SWAP70: variants seen among roughly 807,000 people sequenced by gnomAD.
The protein encoded by SWAP70 is switch-associated protein 70.
SWAP70 carries 34 observed loss-of-function variants against 80.2 expected under a neutral mutation model. That is an observed-to-expected ratio of 0.42 (90% CI 0.32 to 0.56). SWAP70 has a LOEUF of 0.56. SWAP70 is among the 20% of genes least tolerant of loss of function. The pLI is 0.09. For synonymous variants in SWAP70, 239 were observed against 238.5 expected, an observed-to-expected ratio of 1.00 and a Z score of -0.02; for missense variants, 578 against 690.7, an observed-to-expected ratio of 0.84 and a Z score of 1.83.
intron 9 of SWAP70, chr11:9,741,606 A>T (rs1342989752): frequency 6.6e-6 from 1 of 152,184 alleles, no homozygotes; most frequent in African/African-American, 2.4e-5. Context: ...TCGCAGGTGA[A>T]ATATGCTATA....
chr11:9,667,694 A>G (rs1421271709), intron 1 of SWAP70, among the ~76,000 whole-genome samples: 1 of 139,194 alleles, frequency 7.2e-6, no homozygotes, highest in Non-Finnish European at 1.7e-5. Flanking sequence ...TCCCACGTAG[A>G]TGGGACTACA....
At chr11:9,722,804 C>T (rs2133803538) in intron 3 of SWAP70, among the ~76,000 whole-genome samples, 1 of 152,244 alleles carries the variant, frequency 6.6e-6, no homozygotes, top group East Asian at 1.9e-4. Flanking sequence ...AAATCCAGCC[C>T]ACAGCCTATA....
intron 1 of SWAP70, among the ~76,000 whole-genome samples, chr11:9,672,360 TA>T (rs1394652792): frequency 1.3e-5 from 2 of 150,216 alleles, no homozygotes; most frequent in Non-Finnish European, 3.0e-5. Context: ...TTACTTATTT[TA>T]AAAAATTTAT....
In SWAP70 at chr11:9,740,234, G is replaced by C. The variant is rs754517024; in HGVS notation, c.1242G>C (p.Gln414His). Residue 414 changes from glutamine to histidine, a missense_variant, in exon 9 of 12, where the codon CAG (glutamine) becomes CAC (histidine). By Grantham distance (24) the Gln-to-His change is conservative (BLOSUM62 0). Transcript: ENST00000318950. Reference protein sequence around the residue: ...QVAQKSSELEQYLQRVRELED... With the variant: ...QVAQKSSELEHYLQRVRELED... Reference sequence around the variant, plus strand: ...CTCAAAAGTCCTCTGAACTGGAACAGTATTTACAGCGAGTACGGGAGCTGG... The same window carrying C: ...CTCAAAAGTCCTCTGAACTGGAACACTATTTACAGCGAGTACGGGAGCTGG... 2 of 1,614,118 alleles carry C rather than the reference G, an allele frequency of 1.2e-6. No homozygotes were observed. Among genetic ancestry groups the C allele is most frequent in the South Asian group, 2.2e-5 (2 of 91,094 alleles).
intron 9 of SWAP70, 87 bp downstream of exon 9, chr11:9,740,434 G>A: frequency 2.9e-6 from 4 of 1,358,366 alleles, no homozygotes; most frequent in Non-Finnish European, 4.2e-6. Flanking sequence ...CTGGTGGAGA[G>A]GGAGAAGTGT....
chr11:9,697,780 A>G, intron 2 of SWAP70, among the ~76,000 whole-genome samples: 1 of 152,168 alleles, frequency 6.6e-6, no homozygotes. Flanking sequence ...CATGTGTTAT[A>G]CATGTTTTTT....
chr11:9,723,344 C>G (rs146909725), intron 3 of SWAP70, among the ~76,000 whole-genome samples: 1 of 152,200 alleles, frequency 6.6e-6, no homozygotes, highest in Non-Finnish European at 1.5e-5. Context: ...CAAAGCAAAA[C>G]TTATCACAAA....
At chr11:9,729,201 A>G in intron 5 of SWAP70, 142 bp from the exon 6 acceptor site, 1 of 640,500 alleles carries the variant, frequency 1.6e-6, no homozygotes, top group Non-Finnish European at 2.7e-6. Context: ...GTGCTTAGGA[A>G]ACAGCATTAG....
intron 1 of SWAP70, among the ~76,000 whole-genome samples, chr11:9,687,306 C>T (rs936623848): frequency 3.3e-5 from 5 of 152,132 alleles, no homozygotes; most frequent in African/African-American, 9.7e-5. Context: ...AAATATAATA[C>T]ACAACAAACA....
At chr11:9,689,131 C>G (rs957579080) in intron 1 of SWAP70, among the ~76,000 whole-genome samples, 1 of 152,208 alleles carries the variant, frequency 6.6e-6, no homozygotes, top group East Asian at 1.9e-4. Flanking sequence ...TTACGCACAT[C>G]CTGTAAAGGG....
At chr11:9,705,629 G>A (rs1850897856) in intron 2 of SWAP70, among the ~76,000 whole-genome samples, 1 of 143,912 alleles carries the variant, frequency 6.9e-6, no homozygotes, top group Non-Finnish European at 1.5e-5. Flanking sequence ...GTATACACTG[G>A]TGATCTGTAT....
chr11:9,722,597 T>C (rs431908), intron 3 of SWAP70, among the ~76,000 whole-genome samples: 49,742 of 152,138 alleles, frequency 0.33, 8,366 homozygotes, highest in Non-Finnish European at 0.35. Context: ...CTGGTCCGCA[T>C]GCTTCGTTTT....
chr11:9,737,993 G>A (rs1282474604), intron 7 of SWAP70, among the ~76,000 whole-genome samples: 1 of 152,182 alleles, frequency 6.6e-6, no homozygotes, highest in Non-Finnish European at 1.5e-5. Context: ...TGTTGTTCAG[G>A]CTTATCAATA....
At chr11:9,725,119 AG>A (rs1851191907) in intron 4 of SWAP70, 1 of 469,896 alleles carries the variant, frequency 2.1e-6, no homozygotes, top group South Asian at 2.8e-5. Context: ...CTTGCCTTGA[AG>A]GCATGCACCC....
Position 9,740,359 on chromosome 11 carries a change from G to A in SWAP70, c.1355+12G>A. ...AAGCTTCAGGCCAGGTGCCAGATTT[G>A]TTTGCAGACTTTGCCTTTATGTACT... On this transcript the variant is annotated intron_variant, in intron 9 of 11. Coordinates refer to ENST00000318950, the MANE Select transcript of SWAP70 (RefSeq NM_015055.4). The A allele has an allele frequency of 6.2e-7, 1 of 1,614,098 alleles. No homozygotes were observed. The highest frequency in any genetic ancestry group is 8.5e-7 in the Non-Finnish European group (1 of 1,179,944).
At chr11:9,696,890 GATA>G (rs1389351124) in intron 2 of SWAP70, among the ~76,000 whole-genome samples, 1 of 151,880 alleles carries the variant, frequency 6.6e-6, no homozygotes, top group East Asian at 1.9e-4. Context: ...TTCAAAAAAT[GATA>G]ATGATAATAC....
intron 1 of SWAP70, among the ~76,000 whole-genome samples, chr11:9,689,721 G>A (rs1192293671): frequency 6.6e-6 from 1 of 152,176 alleles, no homozygotes; most frequent in Non-Finnish European, 1.5e-5. Context: ...GTGCCTCTTA[G>A]TGCAGATTCC....
chr11:9,673,890 ATTTGTTTGTTTG>A lies in SWAP70; in HGVS notation c.99+9629_99+9640del, dbSNP rs111750602. On this transcript the variant is annotated intron_variant, in intron 1 of 11. Coordinates refer to ENST00000318950, the MANE Select transcript of SWAP70 (RefSeq NM_015055.4). ...ATTTGTTTTCTTTTTTCATTGATTT[ATTTGTTTGTTTG>A]TTTGTTTGTTTGTTTGAGATGGAAT... 5.2e-4 allele frequency among the ~76,000 whole-genome samples: 79 copies of A among 151,816 alleles called. No individual in the cohort carries two copies. The East Asian group carries it at 0.014, about 28-fold the overall frequency.
intron 1 of SWAP70, among the ~76,000 whole-genome samples, chr11:9,671,431 T>TAA (rs1850383549): frequency 1.0e-5 from 1 of 97,932 alleles, no homozygotes; most frequent in Non-Finnish European, 1.8e-5. Flanking sequence ...AATATATATA[T>TAA]AAATATATAA....
Sources: allele counts gnomAD v4.1 joint callset (sites outside exome capture counted in the v4.1 genomes callset), GRCh38; gene constraint gnomAD v4.1.1; transcripts MANE v1.5; gene names NCBI Gene and HGNC (gene_info 2026-07-23, HGNC 2026-07-21).